AXDND1: variants seen among roughly 807,000 people sequenced by gnomAD.
AXDND1 encodes axonemal dynein light chain domain containing 1, also known as axonemal dynein light chain domain-containing protein 1.
A neutral mutation model predicts 137.5 loss-of-function variants in AXDND1; 110 were observed. The observed-to-expected ratio is 0.80, with a 90% CI of 0.69 to 0.94. AXDND1 has a LOEUF of 0.94. Among genes scored for constraint, AXDND1 ranks in the 40% least tolerant of loss-of-function variants. AXDND1 has a pLI of 0.00. For missense variants in AXDND1, 1,191 were observed against 1,169.8 expected, an observed-to-expected ratio of 1.02 and a Z score of -0.26; for synonymous variants, 414 against 399.7, an observed-to-expected ratio of 1.04 and a Z score of -0.43.
intron 11 of AXDND1, among the ~76,000 whole-genome samples, chr1:179,410,486 C>A (rs1653705028): frequency 1.3e-5 from 2 of 152,218 alleles, no homozygotes; most frequent in African/African-American, 4.8e-5. Context: ...CCTCGGCCTC[C>A]CAATGTGTTG....
intron 18 of AXDND1, among the ~76,000 whole-genome samples, chr1:179,485,376 A>G (rs1041778494): frequency 2.6e-5 from 4 of 152,144 alleles, no homozygotes; most frequent in African/African-American, 7.2e-5. Context: ...AAAGCTGGGG[A>G]CCTGATACCA....
chr1:179,391,333 T>C (rs1650163309), intron 9 of AXDND1, among the ~76,000 whole-genome samples: 1 of 151,910 alleles, frequency 6.6e-6, no homozygotes, highest in African/African-American at 2.4e-5. Context: ...TTCTGAGATT[T>C]TTGGTGTACT....
chr1:179,514,951 T>A (rs1669394254), intron 21 of AXDND1, among the ~76,000 whole-genome samples: 1 of 152,164 alleles, frequency 6.6e-6, no homozygotes, highest in South Asian at 2.1e-4. Flanking sequence ...GTTTATGTAG[T>A]CCTTATGTGT....
intron 10 of AXDND1, 101 bp from the exon 11 acceptor site, chr1:179,394,997 A>G: frequency 4.1e-6 from 4 of 975,016 alleles, no homozygotes; most frequent in Middle Eastern, 6.0e-4. Context: ...GGAGGTACAC[A>G]TGATAACTGA....
chr1:179,439,521 A>C (rs1364487789), intron 15 of AXDND1, among the ~76,000 whole-genome samples: 1 of 152,158 alleles, frequency 6.6e-6, no homozygotes, highest in Non-Finnish European at 1.5e-5. Context: ...TTTCACTCCA[A>C]AGTTTAGGTC....
chr1:179,400,931 A>G (rs1327276228), intron 11 of AXDND1, among the ~76,000 whole-genome samples: 1 of 149,556 alleles, frequency 6.7e-6, no homozygotes, highest in Non-Finnish European at 1.5e-5. Flanking sequence ...AAAAAAAGAA[A>G]AAAAAAAGGA....
rs573216203 is a variant in AXDND1, at chr1:179,465,193, A to T, written c.1799-3250A>T. On this transcript the variant is annotated intron_variant, in intron 16 of 25. Coordinates refer to ENST00000367618, the MANE Select transcript of AXDND1 (RefSeq NM_144696.6). ...GAGCTGTGTGCCTTTGGAGGAGAAG[A>T]GATGCTCTGATTTTTAGAATTTTCA... Among the ~76,000 whole-genome samples the T allele has an allele frequency of 2.7e-4, 41 of 152,252 alleles. 1 individual carries two copies. The highest frequency in any genetic ancestry group is 6.2e-4 in the South Asian group (3 of 4,824).
intron 16 of AXDND1, chr1:179,450,550 T>G (rs1410465123): frequency 2.0e-5 from 3 of 152,234 alleles, no homozygotes; most frequent in Non-Finnish European, 2.9e-5. Flanking sequence ...GTGGGATTTT[T>G]TTTTAAAAAT....
intron 25 of AXDND1, among the ~76,000 whole-genome samples, chr1:179,541,838 T>C (rs539541305): frequency 6.6e-6 from 1 of 152,274 alleles, no homozygotes; most frequent in South Asian, 2.1e-4. Flanking sequence ...ACCTACGTGT[T>C]CAATCATGAA....
intron 7 of AXDND1, 125 bp downstream of exon 7, chr1:179,382,881 C>T (rs568453485): frequency 3.3e-6 from 2 of 605,866 alleles, no homozygotes; most frequent in South Asian, 3.0e-5. Flanking sequence ...TAATTGCCTA[C>T]AAGTTCATCA....
intron 18 of AXDND1, among the ~76,000 whole-genome samples, chr1:179,487,917 G>T (rs1666257816): frequency 6.9e-6 from 1 of 145,104 alleles, no homozygotes; most frequent in South Asian, 2.1e-4. Context: ...GATCTCTTGT[G>T]CCTGGGAGGT....
intron 17 of AXDND1, among the ~76,000 whole-genome samples, chr1:179,473,224 T>G (rs560425810): frequency 6.6e-6 from 1 of 152,136 alleles, no homozygotes; most frequent in Admixed American, 6.5e-5. Flanking sequence ...CAGAATTAGC[T>G]TCAGGTCATG....
chr1:179,395,431 G>A (rs773041889), intron 11 of AXDND1, among the ~76,000 whole-genome samples: 5 of 152,138 alleles, frequency 3.3e-5, no homozygotes, highest in Admixed American at 6.5e-5. Flanking sequence ...TTTTCATTGA[G>A]TGAGGATTGC....
In AXDND1 at chr1:179,460,418, A is replaced by G. The variant is rs552717903; in HGVS notation, c.1799-8025A>G. On this transcript the variant is annotated intron_variant, in intron 16 of 25. Coordinates refer to ENST00000367618, the MANE Select transcript of AXDND1 (RefSeq NM_144696.6). ...CTGCATAGTATTCCATGGTGTATAT[A>G]TGCCACATTTTCTTAATCCCCAGTC... 9.2e-5 allele frequency among the ~76,000 whole-genome samples: 14 copies of G among 152,224 alleles called. No homozygotes were observed. The South Asian group carries it at 2.7e-3, about 29-fold the overall frequency.
chr1:179,415,482 C>CA (rs199876959), intron 12 of AXDND1, among the ~76,000 whole-genome samples: 1 of 151,914 alleles, frequency 6.6e-6, no homozygotes, highest in African/African-American at 2.4e-5. Context: ...TGAGAATTTT[C>CA]AAAAAAATAG....
At chr1:179,482,557 A>AACTTAGC (rs1009805238) in intron 17 of AXDND1, among the ~76,000 whole-genome samples, 1 of 152,154 alleles carries the variant, frequency 6.6e-6, no homozygotes, top group African/African-American at 2.4e-5. Flanking sequence ...TTGCTGCCTC[A>AACTTAGC]CTGAGCTAAG....
intron 21 of AXDND1, among the ~76,000 whole-genome samples, chr1:179,512,619 TG>T (rs1669165399): frequency 6.6e-6 from 1 of 152,194 alleles, no homozygotes; most frequent in Non-Finnish European, 1.5e-5. Context: ...GGTGTTCTGA[TG>T]GGGATTGCAT....
intron 11 of AXDND1, among the ~76,000 whole-genome samples, chr1:179,400,936 AAAG>A (rs1430761495): frequency 6.7e-6 from 1 of 149,170 alleles, no homozygotes; most frequent in Admixed American, 6.7e-5. Flanking sequence ...AAGAAAAAAA[AAAG>A]GACACAGAAA....
intron 21 of AXDND1, among the ~76,000 whole-genome samples, chr1:179,525,037 A>T (rs898377867): frequency 6.6e-6 from 1 of 152,144 alleles, no homozygotes; most frequent in Non-Finnish European, 1.5e-5. Context: ...ATCCTTCAAG[A>T]AAAAAACTCA....
Sources: allele counts gnomAD v4.1 joint callset (sites outside exome capture counted in the v4.1 genomes callset), GRCh38; gene constraint gnomAD v4.1.1; transcripts MANE v1.5; gene names NCBI Gene and HGNC (gene_info 2026-07-23, HGNC 2026-07-21).